GHR: variants seen among roughly 807,000 people sequenced by gnomAD.
The protein encoded by GHR is growth hormone receptor.
Under a neutral mutation model 67.1 loss-of-function variants are expected in GHR, and 35 were observed. The observed-to-expected ratio is 0.52, with a 90% confidence interval of 0.40 to 0.69. The LOEUF (loss-of-function observed/expected upper bound fraction) is 0.69, where lower values mean the gene tolerates loss of function less well. Among genes scored for constraint, GHR ranks in the 30% least tolerant of loss-of-function variants. The pLI is 0.00. For synonymous variants in GHR, 272 were observed against 269.1 expected, an observed-to-expected ratio of 1.01 and a Z score of -0.10; for missense variants, 792 against 764.6, an observed-to-expected ratio of 1.04 and a Z score of -0.42.
At chr5:42,465,969 G>A (rs1047289466) in intron 1 of GHR, 2 of 655,818 alleles carry the variant, frequency 3.0e-6, no homozygotes, top group African/African-American at 3.6e-5. Flanking sequence ...CCGTGAAGTT[G>A]TTGAGCAGGT....
At chr5:42,690,698 T>C (rs1225092147) in intron 4 of GHR, among the ~76,000 whole-genome samples, 3 of 152,160 alleles carry the variant, frequency 2.0e-5, no homozygotes, top group Non-Finnish European at 2.9e-5. Flanking sequence ...CCTTTCAGTA[T>C]AAGAGAGGTC....
At chr5:42,602,793 C>T (rs931353311) in intron 2 of GHR, among the ~76,000 whole-genome samples, 5 of 152,246 alleles carry the variant, frequency 3.3e-5, no homozygotes, top group African/African-American at 1.2e-4. Flanking sequence ...CTCTTCTCCC[C>T]CATTATATGC....
intron 3 of GHR, among the ~76,000 whole-genome samples, chr5:42,674,004 A>G (rs191233352): frequency 9.2e-5 from 14 of 152,318 alleles, no homozygotes; most frequent in African/African-American, 3.4e-4. Context: ...CTAACATTCA[A>G]TAATTATTTT....
chr5:42,462,798 G>A (rs1744544577), intron 1 of GHR, among the ~76,000 whole-genome samples: 1 of 151,986 alleles, frequency 6.6e-6, no homozygotes, highest in African/African-American at 2.4e-5. Context: ...CTATTGCATA[G>A]TTTTATAATG....
chr5:42,474,295 G>GAGAAAGAGAA (rs1554054588), intron 1 of GHR, among the ~76,000 whole-genome samples: 5 of 81,070 alleles, frequency 6.2e-5, no homozygotes, highest in South Asian at 9.0e-4. Context: ...AAAAGAGAAA[G>GAGAAAGAGAA]AGAAAGAAAG....
chr5:42,576,144 A>AAAATAAAATAAATAAT (rs926602851), intron 2 of GHR, among the ~76,000 whole-genome samples: 1 of 88,892 alleles, frequency 1.1e-5, no homozygotes, highest in African/African-American at 4.8e-5. Flanking sequence ...AAAATAAAAT[A>AAAATAAAATAAATAAT]GTAAAGTAAA....
chr5:42,495,852 T>C (rs1181035372), intron 1 of GHR, among the ~76,000 whole-genome samples: 1 of 152,144 alleles, frequency 6.6e-6, no homozygotes, highest in Non-Finnish European at 1.5e-5. Flanking sequence ...ACAGATTAGT[T>C]TTGGGCCATC....
At position 42,679,611 on chromosome 5, in the gene GHR, G is replaced by A. The variant is rs141982308; in HGVS notation, c.137-9279G>A. On this transcript the variant is annotated intron_variant, in intron 3 of 9. Coordinates refer to ENST00000230882, the MANE Select transcript of GHR (RefSeq NM_000163.5). ...CTGCATTCCAGCCTGGCGACAGAGC[G>A]AGACTGCATCTCAAAAAAAAAAAAA... Among the ~76,000 whole-genome samples the A allele has an allele frequency of 1.6e-3, 244 of 151,422 alleles. 1 individual carries two copies. The highest frequency in any genetic ancestry group is 5.7e-3 in the African/African-American group (236 of 41,286).
In GHR at chr5:42,718,605, A is replaced by G. The variant is rs116466139; in HGVS notation, c.1098A>G (p.Leu366=). The G allele has an allele frequency of 1.6e-3, 2,655 of 1,614,098 alleles. 42 individuals are homozygous for G. The African/African-American group carries it at 0.032, about 20-fold the overall frequency. The change falls in exon 10 of 10, where the codon CTA becomes CTG. Residue 366 remains leucine (L), a synonymous_variant. Transcript: ENST00000230882. ...AGGAATCAGACACAGACAGACTTCT[A>G]AGCAGTGACCATGAGAAATCACATA... ...KTEESDTDRL[L]SSDHEKSHSN...
chr5:42,702,414 T>C (rs1156763356), intron 6 of GHR, among the ~76,000 whole-genome samples: 5 of 152,100 alleles, frequency 3.3e-5, no homozygotes, highest in Non-Finnish European at 5.9e-5. Flanking sequence ...TTCCATTGTA[T>C]ATACCTACCA....
chr5:42,445,264 G>T (rs1333858567), intron 1 of GHR, among the ~76,000 whole-genome samples: 2 of 152,150 alleles, frequency 1.3e-5, no homozygotes, highest in East Asian at 3.8e-4. Flanking sequence ...AAGGAGATTG[G>T]TTTGATGACA....
intron 3 of GHR, among the ~76,000 whole-genome samples, chr5:42,648,009 T>C (rs1325635005): frequency 6.6e-6 from 1 of 152,206 alleles, no homozygotes; most frequent in African/African-American, 2.4e-5. Context: ...TGTGTAAAGT[T>C]TCTCTGTATT....
At chr5:42,470,927 T>G (rs1434186190) in intron 1 of GHR, among the ~76,000 whole-genome samples, 1 of 152,216 alleles carries the variant, frequency 6.6e-6, no homozygotes, top group East Asian at 1.9e-4. Flanking sequence ...TATTCCTTTA[T>G]AGCTTTTGTG....
intron 1 of GHR, chr5:42,468,085 T>A (rs1385976894): frequency 7.8e-6 from 8 of 1,027,946 alleles, no homozygotes; most frequent in Non-Finnish European, 1.2e-5. Flanking sequence ...CTTCCTCACG[T>A]ATCTCAGTTT....
intron 3 of GHR, among the ~76,000 whole-genome samples, chr5:42,630,706 T>C (rs1179366375): frequency 7.6e-6 from 1 of 131,988 alleles, no homozygotes; most frequent in Non-Finnish European, 1.6e-5. Context: ...CAAAGCCTTT[T>C]TTCACTCAAC....
intron 3 of GHR, among the ~76,000 whole-genome samples, chr5:42,646,955 G>T (rs991585577): frequency 2.6e-5 from 4 of 152,086 alleles, no homozygotes; most frequent in African/African-American, 9.7e-5. Context: ...TGAAATTGTT[G>T]TTCAGAGAAG....
chr5:42,518,157 A>T (rs1192815408), intron 1 of GHR, among the ~76,000 whole-genome samples: 1 of 148,652 alleles, frequency 6.7e-6, no homozygotes, highest in African/African-American at 2.4e-5. Flanking sequence ...TTATTATATA[A>T]TATAGTATAT....
chr5:42,585,595 T>G (rs1751434197), intron 2 of GHR, among the ~76,000 whole-genome samples: 1 of 152,252 alleles, frequency 6.6e-6, no homozygotes, highest in African/African-American at 2.4e-5. Flanking sequence ...GCTGCACGTT[T>G]TTTAAAGTTT....
At chr5:42,709,088 A>T (rs963138729) in intron 6 of GHR, among the ~76,000 whole-genome samples, 1 of 152,166 alleles carries the variant, frequency 6.6e-6, no homozygotes, top group Non-Finnish European at 1.5e-5. Context: ...TGTCGCTTGC[A>T]TCAGGAATTC....
Sources: gnomAD v4.1 joint callset for allele counts (sites outside exome capture counted in the v4.1 genomes callset) on GRCh38, gnomAD v4.1.1 for gene constraint, MANE v1.5 for transcripts, NCBI Gene and HGNC (gene_info 2026-07-23, HGNC 2026-07-21) for gene names.